Variants in UPRT observed in about 807,000 individuals in gnomAD.
The protein encoded by UPRT is uracil phosphoribosyltransferase homolog.
In UPRT, 5 loss-of-function variants were observed where a neutral mutation model predicts 22.6. That is an observed-to-expected ratio of 0.22 (90% CI 0.12 to 0.47). The LOEUF is 0.47. Ranked by LOEUF, UPRT falls within the 20% of genes least tolerant of loss-of-function variation. UPRT has a pLI of 0.99. For synonymous variants in UPRT, 77 were observed against 87.7 expected, an observed-to-expected ratio of 0.88 and a Z score of 0.68; for missense variants, 181 against 239.9, an observed-to-expected ratio of 0.75 and a Z score of 1.62.
intron 4 of UPRT, among the ~76,000 whole-genome samples, chrX:75,245,280 AAAG>A (rs1449816375): frequency 0.016 from 1,727 of 109,356 alleles, 37 homozygotes; most frequent in African/African-American, 0.054. Flanking sequence ...AAAAAAAAAA[AAAG>A]AAAAGGAAAA....
chrX:75,277,073 C>T (rs1033709659), intron 1 of UPRT, among the ~76,000 whole-genome samples: 18 of 112,188 alleles, frequency 1.6e-4, no homozygotes, highest in Non-Finnish European at 3.2e-4. Context: ...TGGGATCTTT[C>T]CTTTTTATGA....
At chrX:75,241,356 A>G (rs2082487903) in intron 4 of UPRT, among the ~76,000 whole-genome samples, 1 of 112,070 alleles carries the variant, frequency 8.9e-6, no homozygotes, top group Non-Finnish European at 1.9e-5. Context: ...AGGGAAATGC[A>G]AATCTAAACC....
intron 4 of UPRT, among the ~76,000 whole-genome samples, chrX:75,189,970 C>A (rs2082309061): frequency 8.9e-6 from 1 of 111,809 alleles, no homozygotes; most frequent in South Asian, 3.8e-4. Context: ...GCATTTAGCC[C>A]ATTTACATTT....
intron 4 of UPRT, among the ~76,000 whole-genome samples, chrX:75,216,916 G>A (rs1336924238): frequency 2.7e-5 from 3 of 111,381 alleles, no homozygotes; most frequent in East Asian, 2.8e-4. Context: ...CACCATGCCC[G>A]GCTAATTTTT....
intron 4 of UPRT, among the ~76,000 whole-genome samples, chrX:75,175,168 A>AT (rs895243215): frequency 2.7e-5 from 3 of 110,642 alleles, no homozygotes; most frequent in Non-Finnish European, 3.8e-5. Flanking sequence ...CTGTGCAGGC[A>AT]TTTTTTTGCC....
At chrX:75,232,582 G>A (rs1378251376) in intron 4 of UPRT, among the ~76,000 whole-genome samples, 1 of 112,214 alleles carries the variant, frequency 8.9e-6, no homozygotes, top group African/African-American at 3.2e-5. Flanking sequence ...CACGCAGCTG[G>A]AGATCTGAGA....
At chrX:75,300,825 A>G (rs376132108) in intron 5 of UPRT, 42 bp from the exon 6 acceptor site, 8 of 1,049,188 alleles carry the variant, frequency 7.6e-6, no homozygotes, top group Non-Finnish European at 1.0e-5. Context: ...TTAAAAATGA[A>G]TGTTAAGGTT....
intron 4 of UPRT, among the ~76,000 whole-genome samples, chrX:75,267,141 A>T (rs1018342361): frequency 1.8e-5 from 2 of 111,990 alleles, no homozygotes; most frequent in African/African-American, 6.5e-5. Flanking sequence ...ATGCGCATGT[A>T]TGTTTATTGA....
chrX:75,272,307 T>C (rs1402092488), upstream of UPRT, among the ~76,000 whole-genome samples: 11 of 15,051 alleles, frequency 7.3e-4, no homozygotes, highest in African/African-American at 8.1e-4. Flanking sequence ...TGTGTATATA[T>C]ATGTGTATAT....
chrX:75,267,561 A>C (rs1255946493), intron 4 of UPRT, among the ~76,000 whole-genome samples: 1 of 112,063 alleles, frequency 8.9e-6, no homozygotes, highest in Non-Finnish European at 1.9e-5. Context: ...TGTACCCTAG[A>C]ACTTAAAGTA....
intron 5 of UPRT, among the ~76,000 whole-genome samples, chrX:75,300,314 G>C (rs971536644): frequency 9.0e-6 from 1 of 111,596 alleles, no homozygotes; most frequent in Non-Finnish European, 1.9e-5. Context: ...GTCTTTAAGG[G>C]AGGTGAGAGG....
chrX:75,239,821 C>T (rs1292703521), intron 4 of UPRT, among the ~76,000 whole-genome samples: 1 of 111,331 alleles, frequency 9.0e-6, no homozygotes, highest in African/African-American at 3.3e-5. Flanking sequence ...ATGAGATACA[C>T]TACATAAACA....
intron 4 of UPRT, among the ~76,000 whole-genome samples, chrX:75,249,283 G>C (rs772660832): frequency 9.0e-6 from 1 of 111,498 alleles, no homozygotes; most frequent in South Asian, 3.8e-4. Flanking sequence ...AAAGAGTCAA[G>C]ACCCATCGGT....
intron 4 of UPRT, among the ~76,000 whole-genome samples, chrX:75,169,409 A>G (rs1234801948): frequency 9.0e-6 from 1 of 111,627 alleles, no homozygotes; most frequent in African/African-American, 3.3e-5. Context: ...TTCCCTTTTC[A>G]CTGCATCCAC....
chrX:75,289,386 A>G (rs750429697), intron 1 of UPRT, among the ~76,000 whole-genome samples: 45 of 111,155 alleles, frequency 4.0e-4, no homozygotes, highest in Non-Finnish European at 7.4e-4. Flanking sequence ...GCCCAAAGCA[A>G]TCTATAGATC....
Position 75,303,556 on chromosome X carries a change from T to C in UPRT, c.*45T>C. 9.8e-7 allele frequency: 1 copy of C among 1,017,927 alleles called. No homozygotes were observed. Among genetic ancestry groups the C allele is most frequent in the East Asian group, 3.2e-5 (1 of 31,250 alleles). 83.9% of individuals were successfully genotyped at this position (1,017,927 alleles called of 1,213,427 possible). A position where few individuals can be genotyped will look rare whatever the true frequency, so the allele number is the denominator to read the frequency against. ...TATCTTATGTAATATTACAATCATG[T>C]TTTGATTTTCTATTTGTTTTACTGA... is the stretch of plus-strand genomic sequence containing the variant. On this transcript the variant is annotated 3_prime_UTR_variant, in exon 7 of 7. Transcript: ENST00000373383.
intron 4 of UPRT, among the ~76,000 whole-genome samples, chrX:75,239,149 A>G (rs1425185084): frequency 9.0e-6 from 1 of 111,726 alleles, no homozygotes; most frequent in Non-Finnish European, 1.9e-5. Flanking sequence ...AAAAAAATAC[A>G]AAAGATAAAT....
intron 4 of UPRT, among the ~76,000 whole-genome samples, chrX:75,215,922 C>A (rs1366265850): frequency 8.9e-6 from 1 of 111,763 alleles, no homozygotes; most frequent in South Asian, 3.7e-4. Flanking sequence ...CAGTTACATT[C>A]ACTGGGGAAT....
intron 1 of UPRT, chrX:75,291,444 G>T (rs1186411873): frequency 3.1e-6 from 1 of 321,136 alleles, no homozygotes; most frequent in South Asian, 2.8e-5. Flanking sequence ...GAAGTGTGTG[G>T]AATGAAGAAG....
Sources: allele counts gnomAD v4.1 joint callset (sites outside exome capture counted in the v4.1 genomes callset), GRCh38; gene constraint gnomAD v4.1.1; transcripts MANE v1.5; gene names NCBI Gene and HGNC (gene_info 2026-07-23, HGNC 2026-07-21).